Variants in ARG2 observed in about 807,000 individuals in gnomAD.
ARG2 encodes the protein arginase-2, mitochondrial.
In ARG2, 21 loss-of-function variants were observed where a neutral mutation model predicts 39.4. The observed-to-expected ratio is 0.53, with a 90% CI of 0.38 to 0.77. ARG2 has a LOEUF of 0.77. ARG2 is among the 30% of genes least tolerant of loss of function. ARG2 has a pLI of 0.00. For synonymous variants in ARG2, 150 were observed against 156.7 expected, an observed-to-expected ratio of 0.96 and a Z score of 0.32; for missense variants, 378 against 426.2, an observed-to-expected ratio of 0.89 and a Z score of 1.00.
At chr14:67,635,576 G>A (rs188054156) in intron 2 of ARG2, among the ~76,000 whole-genome samples, 115 of 152,294 alleles carry the variant, frequency 7.6e-4, no homozygotes, top group Middle Eastern at 3.4e-3. Flanking sequence ...GAATTCGGCC[G>A]GGCACGGCGG....
At chr14:67,646,510 G>A (rs1291105527) in intron 4 of ARG2, 134 bp from the exon 5 acceptor site, 14 of 637,984 alleles carry the variant, frequency 2.2e-5, no homozygotes, top group Non-Finnish European at 3.3e-5. Context: ...CAGATCAAGT[G>A]TGTCCTGTGT....
chr14:67,620,111 G>A (rs775001724), intron 1 of ARG2, 23 bp downstream of exon 1: 18 of 1,533,856 alleles, frequency 1.2e-5, no homozygotes, highest in Admixed American at 1.9e-5. Flanking sequence ...ACCTGGAACC[G>A]CCGGGCAGGA....
chr14:67,642,828 G>T (rs1175361237), intron 3 of ARG2, among the ~76,000 whole-genome samples: 1 of 90,480 alleles, frequency 1.1e-5, no homozygotes, highest in African/African-American at 4.1e-5. Flanking sequence ...TTTGAGATAG[G>T]GTCTGGCTCT....
chr14:67,644,069 A>G (rs1025042522), intron 3 of ARG2, among the ~76,000 whole-genome samples: 7 of 152,240 alleles, frequency 4.6e-5, no homozygotes, highest in Middle Eastern at 3.4e-3. Flanking sequence ...GATCAATGTG[A>G]TTACCACAGA....
At position 67,646,986 on chromosome 14, in the gene ARG2, A is replaced by G. The variant is rs141792961; in HGVS notation, c.683A>G (p.Gln228Arg). The change falls in exon 6 of 8, where the codon CAG becomes CGG. Residue 228 changes from glutamine to arginine, a missense_variant. Transcript: ENST00000261783. ...SMRDIDRLGI[Q>R]KVMERTFDLL... ...AGAGATATTGATCGACTTGGTATCC[A>G]GAAGGTCATGGAACGAACATTTGAT... 5.6e-6 allele frequency: 9 copies of G among 1,613,200 alleles called. No individual in the cohort carries two copies. The highest frequency in any genetic ancestry group is 7.6e-6 in the Non-Finnish European group (9 of 1,179,274).
intron 7 of ARG2, chr14:67,650,422 C>T: frequency 2.6e-6 from 1 of 387,674 alleles, no homozygotes; most frequent in Non-Finnish European, 4.7e-6. Context: ...CAACACCAAG[C>T]CTTTTCCTTT....
intron 2 of ARG2, 98 bp from the exon 3 acceptor site, chr14:67,642,088 G>T (rs2037037897): frequency 8.7e-7 from 1 of 1,150,842 alleles, no homozygotes; most frequent in South Asian, 1.4e-5. Flanking sequence ...AAATGATTAT[G>T]ATGTGTACTT....
chr14:67,634,457 T>C (rs1251579043), intron 2 of ARG2, among the ~76,000 whole-genome samples: 1 of 150,170 alleles, frequency 6.7e-6, no homozygotes, highest in Non-Finnish European at 1.5e-5. Context: ...AAAATTTAGC[T>C]AGGTGTGGCT....
Position 67,646,713 on chromosome 14 carries a change from C to T in ARG2, c.592C>T (p.Leu198=), listed in dbSNP as rs772178201. 5 of 1,613,456 alleles carry T rather than the reference C, an allele frequency of 3.1e-6. No individual in the cohort carries two copies. Among genetic ancestry groups the T allele is most frequent in the African/African-American group, 1.3e-5 (1 of 74,890 alleles). Reference sequence around the variant, plus strand: ...TTCTGCAAGTATTGTGTATATTGGTCTGAGAGACGTGGACCCTCCTGAACA... The same window carrying T: ...TTCTGCAAGTATTGTGTATATTGGTTTGAGAGACGTGGACCCTCCTGAACA... ...ISSASIVYIG[L]RDVDPPEHFI... The change falls in exon 5 of 8, where the codon CTG becomes TTG. Residue 198 remains leucine (L), a synonymous_variant. Transcript: ENST00000261783.
rs761017358 is a variant in ARG2, at chr14:67,646,916, C to T, written c.618-5C>T. The T allele has an allele frequency of 1.1e-4, 178 of 1,565,336 alleles. No homozygotes were observed. The highest frequency in any genetic ancestry group is 1.5e-4 in the Non-Finnish European group (166 of 1,136,212). Reference sequence around the variant, plus strand: ...AAGGACTCCTCCCTTTATATCTCATCACAGTTTTATTTTAAAGAACTATGA... The same window carrying T: ...AAGGACTCCTCCCTTTATATCTCATTACAGTTTTATTTTAAAGAACTATGA... On this transcript the variant is annotated splice_region_variant and splice_polypyrimidine_tract_variant and intron_variant, in intron 5 of 7. Transcript: ENST00000261783.
intron 3 of ARG2, among the ~76,000 whole-genome samples, chr14:67,644,957 C>T (rs2037077321): frequency 6.6e-6 from 1 of 150,812 alleles, no homozygotes. Context: ...GAGATTGCGC[C>T]ACTGCACTCC....
chr14:67,647,251 TTTTC>T, intron 6 of ARG2: 1 of 438,442 alleles, frequency 2.3e-6, no homozygotes, highest in Non-Finnish European at 4.0e-6. Context: ...TCTCATGAAT[TTTTC>T]TTTATCTCCA....
chr14:67,646,423 A>G, intron 4 of ARG2: 1 of 516,380 alleles, frequency 1.9e-6, no homozygotes, highest in Non-Finnish European at 3.4e-6. Context: ...TAGAGATTTT[A>G]TTCGTCTTGA....
At chr14:67,625,173 C>G (rs2036850666) in intron 2 of ARG2, among the ~76,000 whole-genome samples, 1 of 151,890 alleles carries the variant, frequency 6.6e-6, no homozygotes. Context: ...AAAAAAAATC[C>G]CTATCTCACA....
At chr14:67,627,609 C>T (rs1041109076) in intron 2 of ARG2, among the ~76,000 whole-genome samples, 1 of 152,236 alleles carries the variant, frequency 6.6e-6, no homozygotes, top group Non-Finnish European at 1.5e-5. Flanking sequence ...TATGATCCAC[C>T]AAACCTTCTG....
intron 2 of ARG2, among the ~76,000 whole-genome samples, chr14:67,641,648 G>A (rs2037032137): frequency 6.6e-6 from 1 of 152,148 alleles, no homozygotes; most frequent in Non-Finnish European, 1.5e-5. Context: ...TTTATAATAT[G>A]TGAATTTCTT....
chr14:67,629,798 C>T (rs1292309214), intron 2 of ARG2, among the ~76,000 whole-genome samples: 1 of 152,078 alleles, frequency 6.6e-6, no homozygotes, highest in African/African-American at 2.4e-5. Flanking sequence ...TGAAACATTC[C>T]CAAGGACTTG....
intron 2 of ARG2, 74 bp downstream of exon 2, chr14:67,621,040 A>G: frequency 7.2e-7 from 1 of 1,388,792 alleles, no homozygotes; most frequent in Non-Finnish European, 1.0e-6. Flanking sequence ...TCTGACATCC[A>G]GGGACTACAC....
intron 7 of ARG2, chr14:67,650,507 C>A (rs917763797): frequency 3.4e-6 from 2 of 583,260 alleles, no homozygotes; most frequent in Admixed American, 6.0e-5. Flanking sequence ...TAAAAGGTTT[C>A]TTTTAATCTA....
Sources: allele counts gnomAD v4.1 joint callset (sites outside exome capture counted in the v4.1 genomes callset), GRCh38; gene constraint gnomAD v4.1.1; transcripts MANE v1.5; gene names NCBI Gene and HGNC (gene_info 2026-07-23, HGNC 2026-07-21).